GPR39: variants seen among roughly 807,000 people sequenced by gnomAD.
The protein encoded by GPR39 is G protein-coupled receptor 39.
In GPR39, 23 loss-of-function variants were observed where a neutral mutation model predicts 18.4. The ratio of observed to expected loss-of-function variants is 1.25; its 90% CI spans 0.90 to 1.77. GPR39 has a LOEUF of 1.77. Ranked by LOEUF, GPR39 falls within the 40% of genes most tolerant of loss-of-function variation. The probability of loss-of-function intolerance (pLI) is 0.00; values close to 1 mark genes in which losing one functional copy is unlikely to be tolerated. For missense variants in GPR39, 647 were observed against 602.4 expected, an observed-to-expected ratio of 1.07 and a Z score of -0.78; for synonymous variants, 280 against 257.9, an observed-to-expected ratio of 1.09 and a Z score of -0.82.
chr2:132,465,672 T>C (rs568005868), intron 1 of GPR39, among the ~76,000 whole-genome samples: 1 of 152,326 alleles, frequency 6.6e-6, no homozygotes, highest in South Asian at 2.1e-4. Context: ...GGAGAACTAC[T>C]TACTGCTTTG....
At chr2:132,431,264 G>A (rs112062610) in intron 1 of GPR39, among the ~76,000 whole-genome samples, 1 of 152,166 alleles carries the variant, frequency 6.6e-6, no homozygotes, top group Non-Finnish European at 1.5e-5. Flanking sequence ...CTAGAATTGG[G>A]CATTTTCTAG....
chr2:132,586,507 C>G, intron 1 of GPR39, among the ~76,000 whole-genome samples: 1 of 152,106 alleles, frequency 6.6e-6, no homozygotes, highest in Non-Finnish European at 1.5e-5. Flanking sequence ...GAGGATGTAC[C>G]CAAATGAGAC....
At chr2:132,425,421 G>A (rs1680100087) in intron 1 of GPR39, among the ~76,000 whole-genome samples, 1 of 152,084 alleles carries the variant, frequency 6.6e-6, no homozygotes. Context: ...CTCTGACAGT[G>A]GCTGCTGCTC....
chr2:132,552,564 G>A (rs1303709999), intron 1 of GPR39, among the ~76,000 whole-genome samples: 1 of 152,040 alleles, frequency 6.6e-6, no homozygotes, highest in Non-Finnish European at 1.5e-5. Flanking sequence ...ATTCTTCATA[G>A]CAATGCAACA....
chr2:132,533,639 A>G (rs1337044021), intron 1 of GPR39, among the ~76,000 whole-genome samples: 1 of 152,190 alleles, frequency 6.6e-6, no homozygotes, highest in Non-Finnish European at 1.5e-5. Flanking sequence ...TACTGGTACC[A>G]CAACAGAGAT....
chr2:132,501,288 T>C (rs376339128), intron 1 of GPR39, among the ~76,000 whole-genome samples: 45 of 152,126 alleles, frequency 3.0e-4, no homozygotes, highest in African/African-American at 8.7e-4. Context: ...ATTATTATTG[T>C]TCAGTTCAAA....
intron 1 of GPR39, among the ~76,000 whole-genome samples, chr2:132,422,950 A>G (rs1446089095): frequency 6.6e-6 from 1 of 151,978 alleles, no homozygotes; most frequent in Non-Finnish European, 1.5e-5. Context: ...CAGTTGCACA[A>G]AGCATTTGGC....
chr2:132,601,766 A>C (rs1681046959), intron 1 of GPR39, among the ~76,000 whole-genome samples: 1 of 152,174 alleles, frequency 6.6e-6, no homozygotes, highest in Non-Finnish European at 1.5e-5. Context: ...GTCTTTATAC[A>C]CCAATAACGA....
chr2:132,515,405 G>T (rs186174659), intron 1 of GPR39, among the ~76,000 whole-genome samples: 1 of 152,170 alleles, frequency 6.6e-6, no homozygotes, highest in Non-Finnish European at 1.5e-5. Context: ...CTGGAGAATG[G>T]TATACATTCA....
chr2:132,460,714 CTCTG>C (rs765120927), intron 1 of GPR39, among the ~76,000 whole-genome samples: 2 of 152,000 alleles, frequency 1.3e-5, no homozygotes, highest in Non-Finnish European at 2.9e-5. Flanking sequence ...ATTTCTCTGT[CTCTG>C]TCTTTTTTTT....
chr2:132,480,736 T>C (rs1681218192), intron 1 of GPR39, among the ~76,000 whole-genome samples: 1 of 152,200 alleles, frequency 6.6e-6, no homozygotes, highest in Non-Finnish European at 1.5e-5. Context: ...AGTTTGGTTT[T>C]GGATTAATTC....
intron 1 of GPR39, among the ~76,000 whole-genome samples, chr2:132,604,165 C>T (rs1459611537): frequency 6.6e-6 from 1 of 152,098 alleles, no homozygotes; most frequent in Non-Finnish European, 1.5e-5. Flanking sequence ...GTCTGGCTCT[C>T]AGTTCTGTAC....
chr2:132,453,113 C>T (rs2104772077), intron 1 of GPR39, among the ~76,000 whole-genome samples: 3 of 152,250 alleles, frequency 2.0e-5, no homozygotes, highest in Middle Eastern at 6.8e-3. Context: ...TAAAAGTGTT[C>T]CTATTTCTCT....
At chr2:132,603,102 C>T (rs1681074862) in intron 1 of GPR39, among the ~76,000 whole-genome samples, 1 of 152,042 alleles carries the variant, frequency 6.6e-6, no homozygotes, top group Non-Finnish European at 1.5e-5. Context: ...TATTGCAGCA[C>T]TAGTCACAAT....
chr2:132,486,552 CA>C (rs1681343526), intron 1 of GPR39, among the ~76,000 whole-genome samples: 2 of 152,354 alleles, frequency 1.3e-5, no homozygotes, highest in South Asian at 4.1e-4. Context: ...ACTTCTACAT[CA>C]GCACTTGCTG....
intron 1 of GPR39, among the ~76,000 whole-genome samples, chr2:132,492,858 T>C (rs62645264): frequency 1.5e-4 from 21 of 140,802 alleles, no homozygotes; most frequent in African/African-American, 4.5e-4. Context: ...ACCATATATA[T>C]ACCATATATG....
At chr2:132,604,051 T>C (rs528833356) in intron 1 of GPR39, among the ~76,000 whole-genome samples, 2 of 152,308 alleles carry the variant, frequency 1.3e-5, no homozygotes, top group East Asian at 1.9e-4. Flanking sequence ...CAAGGACTCC[T>C]ACCTCCAAGA....
intron 1 of GPR39, among the ~76,000 whole-genome samples, chr2:132,588,260 G>A (rs941459105): frequency 1.3e-5 from 2 of 152,162 alleles, no homozygotes; most frequent in South Asian, 2.1e-4. Flanking sequence ...GGTTCTCTTC[G>A]CACTTGCACC....
At chr2:132,568,491 A>T (rs2104811718) in intron 1 of GPR39, among the ~76,000 whole-genome samples, 1 of 152,162 alleles carries the variant, frequency 6.6e-6, no homozygotes, top group Admixed American at 6.5e-5. Flanking sequence ...AGATCACCTG[A>T]GGCCAGGAAT....
Sources: allele counts gnomAD v4.1 joint callset (sites outside exome capture counted in the v4.1 genomes callset), GRCh38; gene constraint gnomAD v4.1.1; transcripts MANE v1.5; gene names NCBI Gene and HGNC (gene_info 2026-07-23, HGNC 2026-07-21).